Variants in FRMD3 observed in about 807,000 individuals in gnomAD.
The protein encoded by FRMD3 is FERM domain-containing protein 3.
Under a neutral mutation model 70.2 loss-of-function variants are expected in FRMD3, and 33 were observed. The ratio of observed to expected loss-of-function variants is 0.47; its 90% CI spans 0.36 to 0.63. The LOEUF (loss-of-function observed/expected upper bound fraction) is 0.63. Among genes scored for constraint, FRMD3 ranks in the 20% least tolerant of loss-of-function variants. FRMD3 has a pLI of 0.00. For synonymous variants in FRMD3, 279 were observed against 255.9 expected, an observed-to-expected ratio of 1.09 and a Z score of -0.86; for missense variants, 632 against 711.4, an observed-to-expected ratio of 0.89 and a Z score of 1.27.
Position 83,449,575 on chromosome 9 carries a change from G to A in FRMD3, c.148-59867C>T, listed in dbSNP as rs72746803. Among the ~76,000 whole-genome samples the A allele has an allele frequency of 2.6e-3, 398 of 152,320 alleles. 1 individual carries two copies. The highest frequency in any genetic ancestry group is 3.5e-3 in the Non-Finnish European group (240 of 68,034). Reference sequence around the variant, plus strand: ...TGACAGAGCTGGGTCCAGAACCCAGGCCTCTGGCTCCCACTCTGAGAACCT... The same window carrying A: ...TGACAGAGCTGGGTCCAGAACCCAGACCTCTGGCTCCCACTCTGAGAACCT... On this transcript the variant is annotated intron_variant, in intron 1 of 13. Coordinates refer to ENST00000304195, the MANE Select transcript of FRMD3 (RefSeq NM_174938.6).
At chr9:83,270,591 G>C (rs953604370) in intron 13 of FRMD3, among the ~76,000 whole-genome samples, 1 of 152,202 alleles carries the variant, frequency 6.6e-6, no homozygotes, top group Non-Finnish European at 1.5e-5. Context: ...AGCAATTGTA[G>C]AAGGCAAGAT....
intron 1 of FRMD3, among the ~76,000 whole-genome samples, chr9:83,464,597 G>A (rs1659325550): frequency 6.6e-6 from 1 of 152,208 alleles, no homozygotes; most frequent in Admixed American, 6.5e-5. Flanking sequence ...CGAAACCCAT[G>A]ATCAGTGTCA....
At chr9:83,409,061 G>C (rs778123043) in intron 1 of FRMD3, among the ~76,000 whole-genome samples, 10 of 152,152 alleles carry the variant, frequency 6.6e-5, no homozygotes, top group Non-Finnish European at 1.3e-4. Context: ...CAAAGAATCA[G>C]TTCCATGCAG....
intron 1 of FRMD3, among the ~76,000 whole-genome samples, chr9:83,432,171 G>A (rs1827000955): frequency 6.6e-6 from 1 of 152,118 alleles, no homozygotes; most frequent in South Asian, 2.1e-4. Flanking sequence ...CCCACATCCG[G>A]CCCTCTGGAT....
chr9:83,523,925 G>A (rs1829633050), intron 1 of FRMD3, among the ~76,000 whole-genome samples: 1 of 152,148 alleles, frequency 6.6e-6, no homozygotes, highest in Admixed American at 6.5e-5. Flanking sequence ...TGAGGTTTGG[G>A]AACACAGGAG....
intron 4 of FRMD3, among the ~76,000 whole-genome samples, chr9:83,345,871 G>A (rs1176885238): frequency 6.6e-6 from 1 of 152,124 alleles, no homozygotes; most frequent in Non-Finnish European, 1.5e-5. Flanking sequence ...TGGGCTTCTG[G>A]ATCCTACCCC....
chr9:83,382,517 G>A (rs769264824), intron 2 of FRMD3, among the ~76,000 whole-genome samples: 5 of 152,228 alleles, frequency 3.3e-5, no homozygotes, highest in African/African-American at 1.2e-4. Flanking sequence ...CCTGCTCAAA[G>A]TGGTACAACC....
At chr9:83,434,349 C>T (rs573235143) in intron 1 of FRMD3, among the ~76,000 whole-genome samples, 24 of 152,302 alleles carry the variant, frequency 1.6e-4, no homozygotes, top group African/African-American at 5.5e-4. Context: ...CAGTTCACAT[C>T]CTGGCCCTGG....
At chr9:83,545,022 G>A in the FRMD3 span, among the ~76,000 whole-genome samples, 11 of 152,012 alleles carry the variant, frequency 7.2e-5, no homozygotes, top group African/African-American at 2.7e-4. Context: ...TCTAACAATG[G>A]ATCCTAACCA....
intron 1 of FRMD3, among the ~76,000 whole-genome samples, chr9:83,499,347 T>A (rs958363990): frequency 6.6e-6 from 1 of 152,064 alleles, no homozygotes; most frequent in Non-Finnish European, 1.5e-5. Flanking sequence ...AAGAACTCCA[T>A]ATGAACAGGA....
chr9:83,427,963 C>T (rs185755659), intron 1 of FRMD3, among the ~76,000 whole-genome samples: 17 of 152,240 alleles, frequency 1.1e-4, no homozygotes, highest in African/African-American at 2.2e-4. Flanking sequence ...TAAGTAAGCG[C>T]GACCAGTTTA....
chr9:83,420,323 A>G (rs1434013281), intron 1 of FRMD3, among the ~76,000 whole-genome samples: 1 of 152,190 alleles, frequency 6.6e-6, no homozygotes, highest in Non-Finnish European at 1.5e-5. Context: ...GGCTTCAGGG[A>G]CGTGGGTGTC....
rs1554713117 is a variant in FRMD3 at position 83,500,502 on chromosome 9, G to GTGTATGCACA, written c.147+37582_147+37583insTGTGCATACA. Among the ~76,000 whole-genome samples the GTGTATGCACA allele has an allele frequency of 6.6e-3, 944 of 142,372 alleles. 6 individuals are homozygous for GTGTATGCACA. The highest frequency in any genetic ancestry group is 0.028 in the East Asian group (111 of 4,034). The allele number at this position is 142,372 out of a possible 152,430, so 93.4% of individuals were successfully genotyped here. On this transcript the variant is annotated intron_variant, in intron 1 of 13. Coordinates refer to ENST00000304195, the MANE Select transcript of FRMD3 (RefSeq NM_174938.6). Reference sequence around the variant, plus strand: ...CATAGAGTGCTTGGCGTGTATGCGCGCACACACACACACACACACACACAC... The same window carrying GTGTATGCACA: ...CATAGAGTGCTTGGCGTGTATGCGCGTGTATGCACACACACACACACACACACACACACAC...
rs566820457 is a variant in FRMD3, at chr9:83,263,472, CAT to C, written c.1196-14958_1196-14957del. Among the ~76,000 whole-genome samples, 1,273 of 152,286 alleles carry C rather than the reference CAT, an allele frequency of 8.4e-3. 24 individuals carry two copies. The highest frequency in any genetic ancestry group is 0.028 in the African/African-American group (1,182 of 41,550). On this transcript the variant is annotated intron_variant, in intron 13 of 13. Coordinates refer to ENST00000304195, the MANE Select transcript of FRMD3 (RefSeq NM_174938.6). ...TACTAGAGAATTGTAGAAATCATTA[CAT>C]GTCATGGCAAACATTATATAATAGC...
chr9:83,469,758 G>A (rs1001388411), intron 1 of FRMD3, among the ~76,000 whole-genome samples: 2 of 152,068 alleles, frequency 1.3e-5, no homozygotes, highest in African/African-American at 2.4e-5. Flanking sequence ...ATTAGAAACC[G>A]GCTATTGTCA....
chr9:83,288,951 C>T (rs1834318304), intron 13 of FRMD3, among the ~76,000 whole-genome samples: 1 of 152,170 alleles, frequency 6.6e-6, no homozygotes, highest in Non-Finnish European at 1.5e-5. Context: ...CCATCTGGGC[C>T]TCCAAATTGC....
chr9:83,354,100 A>G (rs1824259800), intron 3 of FRMD3, among the ~76,000 whole-genome samples: 1 of 151,992 alleles, frequency 6.6e-6, no homozygotes, highest in South Asian at 2.1e-4. Context: ...AATTTTTTGT[A>G]TTTTTAGTAG....
intron 13 of FRMD3, among the ~76,000 whole-genome samples, chr9:83,269,806 AT>A (rs1023936704): frequency 6.6e-5 from 10 of 152,128 alleles, no homozygotes; most frequent in African/African-American, 2.2e-4. Flanking sequence ...AGCATTTCAC[AT>A]GTTTTTCACT....
chr9:83,574,126 C>T, the FRMD3 span, among the ~76,000 whole-genome samples: 1 of 152,196 alleles, frequency 6.6e-6, no homozygotes, highest in African/African-American at 2.4e-5. Flanking sequence ...AGTGGCAAAG[C>T]CACACCCAGC....
Sources: allele counts gnomAD v4.1 joint callset (sites outside exome capture counted in the v4.1 genomes callset), GRCh38; gene constraint gnomAD v4.1.1; transcripts MANE v1.5; gene names NCBI Gene and HGNC (gene_info 2026-07-23, HGNC 2026-07-21).